OTUD7A: variants seen among roughly 807,000 people sequenced by gnomAD.
OTUD7A encodes OTU deubiquitinase 7A.
Under a neutral mutation model 65.7 loss-of-function variants are expected in OTUD7A, and 12 were observed. The ratio of observed to expected loss-of-function variants is 0.18; its 90% CI spans 0.12 to 0.30. The LOEUF (loss-of-function observed/expected upper bound fraction) is 0.30, where lower values mean the gene tolerates loss of function less well. OTUD7A is among the 10% of genes least tolerant of loss of function. The probability of loss-of-function intolerance (pLI) is 1.00; values close to 1 mark genes in which losing one functional copy is unlikely to be tolerated. For synonymous variants in OTUD7A, 641 were observed against 586.3 expected (o/e 1.09, Z -1.35); for missense variants, 1,148 against 1,304.8 (o/e 0.88, Z 1.85).
chr15:31,659,272 C>G (rs1377339303), intron 1 of OTUD7A, among the ~76,000 whole-genome samples: 4 of 152,054 alleles, frequency 2.6e-5, no homozygotes, highest in Admixed American at 6.5e-5. Flanking sequence ...GAATGAGTGC[C>G]TGGAGGTTAC....
chr15:31,718,905 GAAA>G (rs4041932), intron 1 of OTUD7A, among the ~76,000 whole-genome samples: 1 of 141,750 alleles, frequency 7.1e-6, no homozygotes, highest in African/African-American at 2.6e-5. Context: ...AAGTGATTAG[GAAA>G]AAAAAAAAAA....
At chr15:31,725,619 C>T (rs1463311875) in intron 1 of OTUD7A, among the ~76,000 whole-genome samples, 1 of 152,234 alleles carries the variant, frequency 6.6e-6, no homozygotes, top group East Asian at 1.9e-4. Context: ...CTAATATCCA[C>T]TTTTCTTCTG....
Position 31,530,969 on chromosome 15 carries a change from C to T in OTUD7A, c.551-161G>A, listed in dbSNP as rs72726911. ...CTCTCCTCAAATAAAATATAGATTTCTTTTCCCTTTGAGGACAAGAAGTGG... is the reference window on the plus strand; with the variant it reads ...CTCTCCTCAAATAAAATATAGATTTTTTTTCCCTTTGAGGACAAGAAGTGG... On this transcript the variant is annotated intron_variant, in intron 5 of 12. Transcript: ENST00000307050. Among the ~76,000 whole-genome samples the T allele has an allele frequency of 4.3e-3, 653 of 152,304 alleles. 2 individuals carry two copies. The highest frequency in any genetic ancestry group is 6.5e-3 in the Non-Finnish European group (445 of 68,012).
At chr15:31,673,683 C>T (rs757789184) in intron 1 of OTUD7A, among the ~76,000 whole-genome samples, 1 of 152,206 alleles carries the variant, frequency 6.6e-6, no homozygotes, top group African/African-American at 2.4e-5. Flanking sequence ...CCTTACAAAT[C>T]AGGTTGCTAC....
intron 1 of OTUD7A, among the ~76,000 whole-genome samples, chr15:31,864,669 G>A (rs1304492197): frequency 6.6e-6 from 1 of 151,918 alleles, no homozygotes; most frequent in African/African-American, 2.4e-5. Flanking sequence ...TGGGGATACA[G>A]CCAAACTATA....
At position 31,601,038 on chromosome 15, in the gene OTUD7A, T is replaced by G. The variant is rs145147808; in HGVS notation, c.152-30841A>C. Among the ~76,000 whole-genome samples, 647 of 152,174 alleles carry G rather than the reference T, an allele frequency of 4.3e-3. 8 individuals carry two copies. The highest frequency in any genetic ancestry group is 0.015 in the African/African-American group (612 of 41,496). Reference sequence around the variant, plus strand: ...AGACCTTAACAACCCACTGCCAATATTAGACAGATCACTGAGACAGAAAAT... The same window carrying G: ...AGACCTTAACAACCCACTGCCAATAGTAGACAGATCACTGAGACAGAAAAT... On this transcript the variant is annotated intron_variant, in intron 3 of 12. Coordinates refer to ENST00000307050, the MANE Select transcript of OTUD7A (RefSeq NM_001382637.1).
rs376049574 is a variant in OTUD7A, at chr15:31,722,681, A to G, written c.-99-65604T>C. 1.8e-4 allele frequency among the ~76,000 whole-genome samples: 28 copies of G among 152,300 alleles called. No individual in the cohort carries two copies. In the South Asian group the frequency reaches 4.4e-3, roughly 24 times the overall value. ...AGAGCCAGCAGAGTTGCCACCACCC[A>G]GGGCCCAGGAGGAACTGCTAATGAG... is the stretch of plus-strand genomic sequence containing the variant. On this transcript the variant is annotated intron_variant, in intron 1 of 12. Transcript: ENST00000307050.
chr15:31,797,557 T>C (rs1307760279), intron 1 of OTUD7A, among the ~76,000 whole-genome samples: 3 of 152,332 alleles, frequency 2.0e-5, no homozygotes, highest in Admixed American at 2.0e-4. Flanking sequence ...CCTGTCCTTC[T>C]TCACTGAGGG....
intron 1 of OTUD7A, among the ~76,000 whole-genome samples, chr15:31,762,329 C>CT (rs1894988207): frequency 6.6e-6 from 1 of 152,160 alleles, no homozygotes; most frequent in African/African-American, 2.4e-5. Flanking sequence ...ATCCTCATTG[C>CT]TTTTTTTCTC....
chr15:31,840,596 T>C (rs1481492261), intron 1 of OTUD7A, among the ~76,000 whole-genome samples: 1 of 152,226 alleles, frequency 6.6e-6, no homozygotes, highest in Non-Finnish European at 1.5e-5. Flanking sequence ...TGAAGTTAAC[T>C]GGACTGTTTT....
At chr15:31,541,203 A>C (rs1887977138) in intron 5 of OTUD7A, among the ~76,000 whole-genome samples, 2 of 152,206 alleles carry the variant, frequency 1.3e-5, no homozygotes, top group Admixed American at 1.3e-4. Flanking sequence ...TAGGATAAAA[A>C]AGATTTAAAG....
In OTUD7A at chr15:31,728,054, C is replaced by A. The variant is rs1217988973; in HGVS notation, c.-99-70977G>T. 2.6e-5 allele frequency among the ~76,000 whole-genome samples: 4 copies of A among 152,202 alleles called. No homozygotes were observed. The South Asian group carries it at 8.3e-4, about 32-fold the overall frequency. On this transcript the variant is annotated intron_variant, in intron 1 of 12. Coordinates refer to ENST00000307050, the MANE Select transcript of OTUD7A (RefSeq NM_001382637.1). ...TTCTGAACTTTACCTTGGTTTTGTACATCTGACCACTTAGTCTCCACTTGG... is the reference window on the plus strand; with the variant it reads ...TTCTGAACTTTACCTTGGTTTTGTAAATCTGACCACTTAGTCTCCACTTGG...
At chr15:31,630,158 T>C (rs998133185) in intron 3 of OTUD7A, among the ~76,000 whole-genome samples, 2 of 149,000 alleles carry the variant, frequency 1.3e-5, no homozygotes, top group African/African-American at 5.0e-5. Flanking sequence ...TGCTCTTGCT[T>C]TTCTAGTTCT....
At chr15:31,609,662 A>G (rs555667421) in intron 3 of OTUD7A, among the ~76,000 whole-genome samples, 1 of 152,294 alleles carries the variant, frequency 6.6e-6, no homozygotes, top group South Asian at 2.1e-4. Flanking sequence ...CAAAGGGCAT[A>G]TACTCTTGGG....
intron 1 of OTUD7A, chr15:31,765,887 T>G: frequency 7.9e-7 from 1 of 1,272,818 alleles, no homozygotes; most frequent in Admixed American, 1.7e-5. Flanking sequence ...TCTGAAACTA[T>G]TTTAGTTTTT....
At chr15:31,710,934 C>T (rs1038192395) in intron 1 of OTUD7A, among the ~76,000 whole-genome samples, 4 of 152,042 alleles carry the variant, frequency 2.6e-5, no homozygotes, top group South Asian at 2.1e-4. Flanking sequence ...TTCCCATGGC[C>T]GTGCGGCTGG....
intron 3 of OTUD7A, among the ~76,000 whole-genome samples, chr15:31,591,835 C>T (rs1283184671): frequency 6.6e-6 from 1 of 152,214 alleles, no homozygotes; most frequent in Non-Finnish European, 1.5e-5. Context: ...GAACGAACAT[C>T]ACCAAGGCAC....
chr15:31,807,468 T>C (rs1896300819), intron 1 of OTUD7A, among the ~76,000 whole-genome samples: 1 of 152,194 alleles, frequency 6.6e-6, no homozygotes. Context: ...TTTCTTTGAC[T>C]GTCCCCCAAA....
intron 3 of OTUD7A, among the ~76,000 whole-genome samples, chr15:31,648,002 G>A (rs982087994): frequency 2.6e-5 from 4 of 152,190 alleles, no homozygotes; most frequent in African/African-American, 9.7e-5. Flanking sequence ...AATAGGACTA[G>A]ATGCTGAAGG....
Sources: gnomAD v4.1 joint callset for allele counts (sites outside exome capture counted in the v4.1 genomes callset) on GRCh38, gnomAD v4.1.1 for gene constraint, MANE v1.5 for transcripts, NCBI Gene and HGNC (gene_info 2026-07-23, HGNC 2026-07-21) for gene names.